Variants in TMBIM6 observed in about 807,000 individuals in gnomAD.
TMBIM6 encodes the protein bax inhibitor 1.
In TMBIM6, 13 loss-of-function variants were observed where a neutral mutation model predicts 31.4. The observed-to-expected ratio is 0.41, with a 90% CI of 0.27 to 0.66. TMBIM6 has a LOEUF of 0.66. Among genes scored for constraint, TMBIM6 ranks in the 30% least tolerant of loss-of-function variants. The pLI, the probability that TMBIM6 is intolerant of heterozygous loss-of-function variation, is 0.28. For synonymous variants in TMBIM6, 85 were observed against 101.7 expected (o/e 0.84, Z 0.99); for missense variants, 275 against 289.5 (o/e 0.95, Z 0.36).
chr12:49,752,920 T>G, intron 2 of TMBIM6, 53 bp from the exon 3 acceptor site: 1 of 1,505,092 alleles, frequency 6.6e-7, no homozygotes, highest in South Asian at 1.2e-5. Context: ...CTTCTTAGCT[T>G]AAATATGAGA....
chr12:49,760,862 G>A (rs12299801), intron 8 of TMBIM6, among the ~76,000 whole-genome samples: 115 of 150,384 alleles, frequency 7.6e-4, no homozygotes, highest in African/African-American at 2.4e-3. Flanking sequence ...TTTTTGAGAC[G>A]GAGTTTCGCT....
intron 1 of TMBIM6, among the ~76,000 whole-genome samples, chr12:49,752,059 T>A (rs533384151): frequency 6.6e-6 from 1 of 152,318 alleles, no homozygotes; most frequent in South Asian, 2.1e-4. Flanking sequence ...TGAGCCACTA[T>A]GCCCAGCCAA....
At chr12:49,749,435 A>ATTTTTTTTTTTTTTTTTTT (rs372622355) in intron 1 of TMBIM6, among the ~76,000 whole-genome samples, 1 of 136,384 alleles carries the variant, frequency 7.3e-6, no homozygotes, top group African/African-American at 3.1e-5. Context: ...TTTGTAAGTC[A>ATTTTTTTTTTTTTTTTTTT]TTTTTGTTTT....
rs185771480 is a variant in TMBIM6 at position 49,756,354 on chromosome 12, T to A, written c.286+599T>A. Among the ~76,000 whole-genome samples, 20 of 152,166 alleles carry A rather than the reference T, an allele frequency of 1.3e-4. No homozygotes were observed. In the East Asian group the frequency reaches 3.9e-3, roughly 29 times the overall value. ...TTTTACCATGTTGGCCAGGATGGTGTTGATCTCTTGACCTAGTGATCCACC... is the reference window on the plus strand; with the variant it reads ...TTTTACCATGTTGGCCAGGATGGTGATGATCTCTTGACCTAGTGATCCACC... On this transcript the variant is annotated intron_variant, in intron 4 of 9. Transcript: ENST00000267115.
intron 4 of TMBIM6, among the ~76,000 whole-genome samples, 188 bp downstream of exon 4, chr12:49,755,943 T>A (rs1338250236): frequency 6.7e-6 from 1 of 148,362 alleles, no homozygotes; most frequent in African/African-American, 2.5e-5. Context: ...ACACCATTCT[T>A]CTGCTTTAGC....
intron 3 of TMBIM6, among the ~76,000 whole-genome samples, chr12:49,753,860 ACT>A (rs1338071666): frequency 1.3e-5 from 2 of 151,256 alleles, no homozygotes; most frequent in Admixed American, 6.6e-5. Context: ...TTATTCACAG[ACT>A]CTATATTTGT....
rs1057146581 is a variant in TMBIM6, at chr12:49,764,739, A to C, written c.*1843A>C. 7 of 152,174 alleles carry C rather than the reference A, an allele frequency of 4.6e-5. No individual in the cohort carries two copies. Among genetic ancestry groups the C allele is most frequent in the South Asian group, 2.1e-4 (1 of 4,830 alleles). The allele number at this position is 152,174 out of a possible 1,614,324, so 9.4% of individuals were successfully genotyped here. A position where few individuals can be genotyped will look rare whatever the true frequency, so the allele number is the denominator to read the frequency against. ...AAAAAAAAAGAAAGAAAAAAAAAAA[A>C]ACACCTACTTTTAAAGAAAATACCT... is the stretch of plus-strand genomic sequence containing the variant. On this transcript the variant is annotated 3_prime_UTR_variant, in exon 10 of 10. Transcript: ENST00000267115.
intron 1 of TMBIM6, chr12:49,742,579 T>C (rs568438884): frequency 7.7e-6 from 2 of 260,634 alleles, no homozygotes; most frequent in East Asian, 1.5e-4. Flanking sequence ...TGACTGTGCT[T>C]GAAACAGACA....
intron 1 of TMBIM6, among the ~76,000 whole-genome samples, chr12:49,751,456 A>G (rs1411766294): frequency 6.6e-6 from 1 of 152,174 alleles, no homozygotes; most frequent in Non-Finnish European, 1.5e-5. Context: ...AAGGTTGTAC[A>G]GGAATTCTTT....
At chr12:49,758,538 A>G in intron 6 of TMBIM6, 58 bp downstream of exon 6, 6 of 1,576,240 alleles carry the variant, frequency 3.8e-6, no homozygotes, top group Non-Finnish European at 8.7e-7. Flanking sequence ...AATTCTCACT[A>G]GTACTCCTTC....
chr12:49,759,295 C>G lies in TMBIM6; in HGVS notation c.588C>G (p.Ala196=). 1 of 1,613,902 alleles carries G rather than the reference C, an allele frequency of 6.2e-7. No individual in the cohort carries two copies. The highest frequency in any genetic ancestry group is 8.5e-7 in the Non-Finnish European group (1 of 1,179,944). ...ATACTCAACTCATTATTGAAAAGGCCGAACATGGAGATCAAGATTATATCT... is the reference window on the plus strand; with the variant it reads ...ATACTCAACTCATTATTGAAAAGGCGGAACATGGAGATCAAGATTATATCT... ...LFDTQLIIEK[A]EHGDQDYIWH... The change falls in exon 8 of 10, where the codon GCC becomes GCG. Residue 196 remains alanine, a synonymous_variant. Coordinates refer to ENST00000267115, the MANE Select transcript of TMBIM6 (RefSeq NM_003217.3).
At chr12:49,756,440 C>CTTTT (rs1194535783) in intron 4 of TMBIM6, among the ~76,000 whole-genome samples, 2 of 105,810 alleles carry the variant, frequency 1.9e-5, no homozygotes, top group African/African-American at 3.8e-5. Flanking sequence ...TGCCTCCTGG[C>CTTTT]TTTTTTTTTT....
intron 4 of TMBIM6, 46 bp downstream of exon 4, chr12:49,755,801 C>A: frequency 6.4e-7 from 1 of 1,572,302 alleles, no homozygotes; most frequent in South Asian, 1.2e-5. Flanking sequence ...GCTATATTTT[C>A]AGTATCTCTT....
chr12:49,755,959 G>A (rs1318217856), intron 4 of TMBIM6, among the ~76,000 whole-genome samples: 4 of 149,064 alleles, frequency 2.7e-5, no homozygotes, highest in Middle Eastern at 3.6e-3. Context: ...TTAGCCTCCC[G>A]TGTAGGTGGG....
intron 1 of TMBIM6, among the ~76,000 whole-genome samples, chr12:49,748,003 A>T (rs569560737): frequency 8.5e-5 from 13 of 152,172 alleles, no homozygotes; most frequent in Non-Finnish European, 1.6e-4. Flanking sequence ...TCCCTGGCTC[A>T]AGCGATTCTC....
At chr12:49,758,510 G>T (rs1945650690) in intron 6 of TMBIM6, 30 bp downstream of exon 6, 2 of 1,609,054 alleles carry the variant, frequency 1.2e-6, no homozygotes, top group South Asian at 1.1e-5. Context: ...CAGGGAATGG[G>T]GGCTCCTTTT....
At position 49,759,360 on chromosome 12, in the gene TMBIM6, G is replaced by A. The variant is rs191988468; in HGVS notation, c.614+39G>A. ...CTAGTCTTTAACAAGCATGAAGGTT[G>A]AGGCATACCGTTCAGCAGCTGAACT... On this transcript the variant is annotated intron_variant, in intron 8 of 9. Coordinates refer to ENST00000267115, the MANE Select transcript of TMBIM6 (RefSeq NM_003217.3). 1.3e-4 allele frequency: 198 copies of A among 1,547,328 alleles called. No individual in the cohort carries two copies. In the Admixed American group the frequency reaches 3.3e-3, roughly 25 times the overall value.
intron 4 of TMBIM6, among the ~76,000 whole-genome samples, chr12:49,757,759 C>T (rs1945633274): frequency 6.6e-6 from 1 of 152,186 alleles, no homozygotes; most frequent in Non-Finnish European, 1.5e-5. Context: ...ACAGGTTGCC[C>T]TCCTGTTGGC....
At chr12:49,759,823 A>G (rs1248071315) in intron 8 of TMBIM6, among the ~76,000 whole-genome samples, 1 of 141,100 alleles carries the variant, frequency 7.1e-6, no homozygotes, top group African/African-American at 2.9e-5. Flanking sequence ...AAAAAAAAAA[A>G]GTGTGGGGGC....
Sources: allele counts gnomAD v4.1 joint callset (sites outside exome capture counted in the v4.1 genomes callset), GRCh38; gene constraint gnomAD v4.1.1; transcripts MANE v1.5; gene names NCBI Gene and HGNC (gene_info 2026-07-23, HGNC 2026-07-21).